ZRANB2: variants seen among roughly 807,000 people sequenced by gnomAD.
ZRANB2 encodes zinc finger Ran-binding domain-containing protein 2.
In ZRANB2, 19 loss-of-function variants were observed where a neutral mutation model predicts 53.4. That is an observed-to-expected ratio of 0.36 (90% CI 0.25 to 0.52). The LOEUF (loss-of-function observed/expected upper bound fraction) is 0.52. Among genes scored for constraint, ZRANB2 ranks in the 20% least tolerant of loss-of-function variants. ZRANB2 has a pLI of 0.93. For missense variants in ZRANB2, 309 were observed against 401.1 expected, an observed-to-expected ratio of 0.77 and a Z score of 1.96; for synonymous variants, 145 against 134.8, an observed-to-expected ratio of 1.08 and a Z score of -0.52.
In ZRANB2 at chr1:71,066,897, G is replaced by A; in HGVS notation, c.808C>T (p.Arg270Ter). The change falls in exon 9 of 10, where the codon CGA (arginine) becomes TGA (stop). Residue 270 changes from arginine (R) to a stop codon, truncating the protein, a stop_gained. Transcript: ENST00000370920. LOFTEE classifies it high-confidence loss of function. ...GATGAACTTGAATAAGATCTTTTTCGTGGGGAAGAAGAGCCCCTGTGGGAC... is the reference window on the plus strand; with the variant it reads ...GATGAACTTGAATAAGATCTTTTTCATGGGGAAGAAGAGCCCCTGTGGGAC... ...SRSHRGSSSP[R>*]KRSYSSSSSS... The A allele has an allele frequency of 6.2e-7, 1 of 1,601,018 alleles. No homozygotes were observed. Among genetic ancestry groups the A allele is most frequent in the Non-Finnish European group, 8.5e-7 (1 of 1,174,280 alleles).
intron 4 of ZRANB2, among the ~76,000 whole-genome samples, chr1:71,075,437 G>A (rs1330114493): frequency 6.6e-6 from 1 of 152,142 alleles, no homozygotes; most frequent in Non-Finnish European, 1.5e-5. Context: ...AATATAATGA[G>A]TTTGACATTT....
chr1:71,066,733 C>A, intron 9 of ZRANB2, 43 bp downstream of exon 9: 2 of 1,581,444 alleles, frequency 1.3e-6, no homozygotes, highest in Non-Finnish European at 1.7e-6. Flanking sequence ...ATCTATTAAA[C>A]ACACTTAAGA....
rs1279326187 is a variant in ZRANB2, at chr1:71,067,170, CTTACTA to C, written c.771-242_771-237del. ...TCTATCATGTGTAATTAAAACCCTGCTTACTATATCAAAATAGAATTTAAACTTTTT... is the reference window on the plus strand; with the variant it reads ...TCTATCATGTGTAATTAAAACCCTGCTATCAAAATAGAATTTAAACTTTTT... On this transcript the variant is annotated intron_variant, in intron 8 of 9. Coordinates refer to ENST00000370920, the MANE Select transcript of ZRANB2 (RefSeq NM_203350.3). The C allele has an allele frequency of 4.2e-5, 14 of 335,202 alleles. No homozygotes were observed. The East Asian group carries it at 7.2e-4, about 17-fold the overall frequency. The allele number at this position is 335,202 out of a possible 1,614,324, so 20.8% of individuals were successfully genotyped here.
At chr1:71,080,208 C>A (rs1162969494) in intron 1 of ZRANB2, among the ~76,000 whole-genome samples, 1 of 150,994 alleles carries the variant, frequency 6.6e-6, no homozygotes, top group South Asian at 2.1e-4. Flanking sequence ...TTTGTGCACC[C>A]TTCAAAAAAA....
At position 71,072,452 on chromosome 1, in the gene ZRANB2, A is replaced by G; in HGVS notation, c.378+20T>C. On this transcript the variant is annotated intron_variant, in intron 5 of 9. Coordinates refer to ENST00000370920, the MANE Select transcript of ZRANB2 (RefSeq NM_203350.3). ...GTTTTTCTAATTTATATTCAACCTG[A>G]ACACCAAAATATAGCTTACCTCATC... is the stretch of plus-strand genomic sequence containing the variant. 1.3e-6 allele frequency: 2 copies of G among 1,575,236 alleles called. No individual in the cohort carries two copies. Among genetic ancestry groups the G allele is most frequent in the Non-Finnish European group, 1.7e-6 (2 of 1,161,398 alleles).
chr1:71,065,026 T>C lies in ZRANB2; in HGVS notation c.*48A>G. Reference sequence around the variant, plus strand: ...TAAGACACCAACTTCTTTAAAAATATGCTTCATGCACTGTACTGGATTTTT... The same window carrying C: ...TAAGACACCAACTTCTTTAAAAATACGCTTCATGCACTGTACTGGATTTTT... On this transcript the variant is annotated 3_prime_UTR_variant, in exon 10 of 10. Transcript: ENST00000370920. The C allele has an allele frequency of 2.2e-6, 3 of 1,382,422 alleles. No homozygotes were observed. Among genetic ancestry groups the C allele is most frequent in the Non-Finnish European group, 3.0e-6 (3 of 987,540 alleles). 85.6% of individuals were successfully genotyped at this position (1,382,422 alleles called of 1,614,324 possible). A position where few individuals can be genotyped will look rare whatever the true frequency, so the allele number is the denominator to read the frequency against.
Position 71,076,047 on chromosome 1 carries a change from A to G in ZRANB2, c.301+748T>C, listed in dbSNP as rs375178884. On this transcript the variant is annotated intron_variant, in intron 4 of 9. Coordinates refer to ENST00000370920, the MANE Select transcript of ZRANB2 (RefSeq NM_203350.3). Reference sequence around the variant, plus strand: ...GTTAGAGAGGCAAAGAAAACAGGGAAGCAGTTCACCAAGCCTAAGTCTGAC... The same window carrying G: ...GTTAGAGAGGCAAAGAAAACAGGGAGGCAGTTCACCAAGCCTAAGTCTGAC... Among the ~76,000 whole-genome samples the G allele has an allele frequency of 3.6e-4, 55 of 152,282 alleles. 1 individual carries two copies. Among genetic ancestry groups the G allele is most frequent in the African/African-American group, 1.3e-3 (54 of 41,564 alleles).
chr1:71,068,395 A>G (rs1661507429), intron 8 of ZRANB2, among the ~76,000 whole-genome samples: 1 of 152,190 alleles, frequency 6.6e-6, no homozygotes, highest in Non-Finnish European at 1.5e-5. Flanking sequence ...CTTAAAAACA[A>G]AGAGAGCATA....
chr1:71,064,204 T>C lies in ZRANB2; in HGVS notation c.*870A>G, dbSNP rs1035730230. ...TTCACTTAAATTCACAATGTCTCCA[T>C]TGGCCTTTCACCAAAAGAGAAATAT... On this transcript the variant is annotated 3_prime_UTR_variant, in exon 10 of 10. Coordinates refer to ENST00000370920, the MANE Select transcript of ZRANB2 (RefSeq NM_203350.3). 4.6e-5 allele frequency: 7 copies of C among 152,398 alleles called. No individual in the cohort carries two copies. Among genetic ancestry groups the C allele is most frequent in the African/African-American group, 1.7e-4 (7 of 41,444 alleles). 9.4% of individuals were successfully genotyped at this position (152,398 alleles called of 1,614,324 possible).
intron 9 of ZRANB2, chr1:71,065,713 CT>C (rs1661411227): frequency 6.2e-7 from 1 of 1,612,322 alleles, no homozygotes; most frequent in South Asian, 1.1e-5. Flanking sequence ...GGGGTTGGCC[CT>C]GGGCTCAGGG....
intron 9 of ZRANB2, chr1:71,065,653 C>A: frequency 6.3e-7 from 1 of 1,598,448 alleles, no homozygotes; most frequent in Non-Finnish European, 8.5e-7. Context: ...ATTCATGCAG[C>A]TAGTATGAAT....
intron 8 of ZRANB2, 24 bp downstream of exon 8, chr1:71,069,252 A>C (rs781286232): frequency 6.3e-7 from 1 of 1,576,522 alleles, no homozygotes; most frequent in Non-Finnish European, 8.7e-7. Context: ...TCTCTGCTTT[A>C]CAGAGAGATG....
chr1:71,065,900 C>A, intron 9 of ZRANB2: 1 of 1,199,908 alleles, frequency 8.3e-7, no homozygotes, highest in Non-Finnish European at 1.2e-6. Flanking sequence ...TACAAAGAAA[C>A]AAATGCAGAG....
At position 71,073,908 on chromosome 1, in the gene ZRANB2, C is replaced by T. The variant is rs375593662; in HGVS notation, c.302-1360G>A. Reference sequence around the variant, plus strand: ...AATGGAAAATACACTAGCTCCCTATCGTGAAAAAACTGAAGCATACCATTT... The same window carrying T: ...AATGGAAAATACACTAGCTCCCTATTGTGAAAAAACTGAAGCATACCATTT... On this transcript the variant is annotated intron_variant, in intron 4 of 9. Transcript: ENST00000370920. Among the ~76,000 whole-genome samples, 59 of 152,166 alleles carry T rather than the reference C, an allele frequency of 3.9e-4. 1 individual carries two copies. The highest frequency in any genetic ancestry group is 1.3e-3 in the African/African-American group (54 of 41,538).
chr1:71,068,502 C>A (rs1320139747), intron 8 of ZRANB2, among the ~76,000 whole-genome samples: 1 of 152,148 alleles, frequency 6.6e-6, no homozygotes, highest in Admixed American at 6.5e-5. Context: ...CTTTAGAACA[C>A]TGTTTACTAC....
rs761686163 is a variant in ZRANB2 at position 71,078,516 on chromosome 1, T to C, written c.159A>G (p.Gly53=). 6.2e-7 allele frequency: 1 copy of C among 1,614,092 alleles called. No homozygotes were observed. Among genetic ancestry groups the C allele is most frequent in the Admixed American group, 1.7e-5 (1 of 60,018 alleles). Residue 53 remains glycine, a synonymous_variant, in exon 3 of 10, where the codon GGA becomes GGG. Coordinates refer to ENST00000370920, the MANE Select transcript of ZRANB2 (RefSeq NM_203350.3). ...CTCGGCTCTTTTCTGCAAGTGTCTTTCCTATTTCAGTGCCCCCAGCTTTCA... is the reference window on the plus strand; with the variant it reads ...CTCGGCTCTTTTCTGCAAGTGTCTTCCCTATTTCAGTGCCCCCAGCTTTCA... ...KMMKAGGTEI[G]KTLAEKSRGL... is the part of the protein sequence containing the mutation.
At chr1:71,069,430 A>G in intron 7 of ZRANB2, 68 bp from the exon 8 acceptor site, 1 of 1,152,920 alleles carries the variant, frequency 8.7e-7, no homozygotes, top group Non-Finnish European at 1.3e-6. Context: ...ATGAACACTG[A>G]AAGAAAGATA....
At chr1:71,077,754 G>C (rs1661739513) in intron 3 of ZRANB2, among the ~76,000 whole-genome samples, 1 of 152,188 alleles carries the variant, frequency 6.6e-6, no homozygotes, top group African/African-American at 2.4e-5. Context: ...TACTAAGGAG[G>C]CTGAAGTGAG....
At chr1:71,069,570 A>C in intron 7 of ZRANB2, 1 of 372,676 alleles carries the variant, frequency 2.7e-6, no homozygotes, top group Non-Finnish European at 4.9e-6. Flanking sequence ...CAGGTGATTA[A>C]ATTACCCTAA....
Sources: gnomAD v4.1 joint callset for allele counts (sites outside exome capture counted in the v4.1 genomes callset) on GRCh38, gnomAD v4.1.1 for gene constraint, MANE v1.5 for transcripts, NCBI Gene and HGNC (gene_info 2026-07-23, HGNC 2026-07-21) for gene names.